LITAF: variants seen among roughly 807,000 people sequenced by gnomAD.
The protein encoded by LITAF is lipopolysaccharide-induced tumor necrosis factor-alpha factor.
In LITAF, 9 loss-of-function variants were observed where a neutral mutation model predicts 14.5. The observed-to-expected ratio is 0.62, with a 90% CI of 0.37 to 1.08. The LOEUF (loss-of-function observed/expected upper bound fraction) is 1.08. Among genes scored for constraint, LITAF ranks in the 50% least tolerant of loss-of-function variants. The probability of loss-of-function intolerance (pLI) is 0.01; values close to 1 mark genes in which losing one functional copy is unlikely to be tolerated. For synonymous variants in LITAF, 98 were observed against 88.2 expected, an observed-to-expected ratio of 1.11 and a Z score of -0.62; for missense variants, 206 against 213.4, an observed-to-expected ratio of 0.97 and a Z score of 0.22.
At chr16:11,629,846 A>T (rs553313141) in intron 3 of LITAF, among the ~76,000 whole-genome samples, 1 of 152,108 alleles carries the variant, frequency 6.6e-6, no homozygotes, top group Non-Finnish European at 1.5e-5. Flanking sequence ...TAACAAGGCC[A>T]TGTGGTAGGC....
intron 1 of LITAF, among the ~76,000 whole-genome samples, chr16:11,585,652 C>T (rs2064794820): frequency 6.6e-6 from 1 of 152,230 alleles, no homozygotes; most frequent in South Asian, 2.1e-4. Flanking sequence ...TCTGAGAAGG[C>T]AGGGGGTGAG....
chr16:11,602,627 A>G (rs533192210), upstream of LITAF, among the ~76,000 whole-genome samples: 43 of 152,234 alleles, frequency 2.8e-4, no homozygotes, highest in African/African-American at 9.1e-4. Context: ...AATTGAATGG[A>G]ATGGAATAGA....
In LITAF at chr16:11,610,624, C is replaced by T. The variant is rs1174378383; in HGVS notation, c.85+22909G>A. 3.9e-5 allele frequency among the ~76,000 whole-genome samples: 6 copies of T among 152,226 alleles called. No homozygotes were observed. In the East Asian group the frequency reaches 1.2e-3, roughly 29 times the overall value. Reference sequence around the variant, plus strand: ...AAGGGAACAATGGGATGGAGCCCAACTTGAGCAGTAAATAAGAGGAAAAAA... The same window carrying T: ...AAGGGAACAATGGGATGGAGCCCAATTTGAGCAGTAAATAAGAGGAAAAAA... On this transcript the variant is annotated intron_variant, in intron 3 of 3. Transcript: ENST00000574848.
At chr16:11,617,951 G>A (rs939338291) in intron 3 of LITAF, among the ~76,000 whole-genome samples, 2 of 151,566 alleles carry the variant, frequency 1.3e-5, no homozygotes, top group African/African-American at 4.8e-5. Context: ...GCTCACTGCA[G>A]CCTCAACCCC....
chr16:11,627,515 T>C (rs1394346691), intron 3 of LITAF, among the ~76,000 whole-genome samples: 1 of 152,248 alleles, frequency 6.6e-6, no homozygotes. Context: ...TTTTGCAGCA[T>C]TCTGCTATTC....
chr16:11,628,067 G>A (rs1440738585), intron 3 of LITAF, among the ~76,000 whole-genome samples: 1 of 145,350 alleles, frequency 6.9e-6, no homozygotes, highest in African/African-American at 2.5e-5. Flanking sequence ...CCCAAGACAA[G>A]CACAGTCCTG....
chr16:11,615,899 T>G (rs955306789), intron 3 of LITAF, among the ~76,000 whole-genome samples: 4 of 151,926 alleles, frequency 2.6e-5, no homozygotes, highest in Non-Finnish European at 5.9e-5. Flanking sequence ...GCTTAGAGGG[T>G]TAGAAGGTTC....
At chr16:11,635,581 A>G (rs1361004554) in intron 2 of LITAF, among the ~76,000 whole-genome samples, 3 of 152,170 alleles carry the variant, frequency 2.0e-5, no homozygotes, top group South Asian at 2.1e-4. Flanking sequence ...AGATATCCCC[A>G]AAGTGCCCAC....
At chr16:11,614,890 G>C (rs1334530380) in intron 3 of LITAF, among the ~76,000 whole-genome samples, 4 of 152,240 alleles carry the variant, frequency 2.6e-5, no homozygotes, top group Non-Finnish European at 5.9e-5. Context: ...ACGGCAGGCA[G>C]TTCTAACGGC....
At chr16:11,567,649 C>T (rs1330478560) in intron 1 of LITAF, among the ~76,000 whole-genome samples, 1 of 152,094 alleles carries the variant, frequency 6.6e-6, no homozygotes, top group African/African-American at 2.4e-5. Context: ...TTTGGGCCAG[C>T]ATCCATTCCA....
intron 3 of LITAF, among the ~76,000 whole-genome samples, chr16:11,629,419 G>T (rs1165936114): frequency 1.3e-5 from 2 of 152,226 alleles, no homozygotes; most frequent in Non-Finnish European, 2.9e-5. Flanking sequence ...GGTCCCAGCT[G>T]GAGGCCTGAT....
Position 11,549,818 on chromosome 16 carries a change from T to A in LITAF, c.378-73A>T, listed in dbSNP as rs778509073. ...GTGAACACTGGCTGCCAAAACCATG[T>A]TCATGTCCTTCTTTGTAAAAAGGGT... On this transcript the variant is annotated intron_variant, in intron 3 of 3. Coordinates refer to ENST00000622633, the MANE Select transcript of LITAF (RefSeq NM_001136472.2). The surrounding 1 kb of genome is among the most constrained non-coding windows in gnomAD (Gnocchi z 4.6). 1 of 1,142,056 alleles carries A rather than the reference T, an allele frequency of 8.8e-7. No homozygotes were observed. The highest frequency in any genetic ancestry group is 1.3e-6 in the Non-Finnish European group (1 of 770,952). 70.7% of individuals were successfully genotyped at this position (1,142,056 alleles called of 1,614,324 possible). A position where few individuals can be genotyped will look rare whatever the true frequency, so the allele number is the denominator to read the frequency against.
intron 3 of LITAF, among the ~76,000 whole-genome samples, chr16:11,550,646 G>T (rs1313122377): frequency 6.6e-6 from 1 of 152,102 alleles, no homozygotes; most frequent in Non-Finnish European, 1.5e-5. Context: ...AGATCTTTTA[G>T]TCTTTTTGTT....
intron 3 of LITAF, among the ~76,000 whole-genome samples, chr16:11,625,806 G>A (rs553839133): frequency 6.6e-6 from 1 of 152,264 alleles, no homozygotes; most frequent in South Asian, 2.1e-4. Context: ...CCAGAACTTG[G>A]AGTCAGCCAG....
At chr16:11,599,300 T>C (rs997631488), upstream of LITAF, among the ~76,000 whole-genome samples, 1 of 152,072 alleles carries the variant, frequency 6.6e-6, no homozygotes, top group Non-Finnish European at 1.5e-5. Context: ...GTATTTTTAG[T>C]AGAGACGGGG....
chr16:11,620,631 G>A (rs2065044619), intron 3 of LITAF, among the ~76,000 whole-genome samples: 1 of 152,218 alleles, frequency 6.6e-6, no homozygotes, highest in Admixed American at 6.5e-5. Flanking sequence ...ACTGTGGCCA[G>A]CCCACTTTCC....
intron 3 of LITAF, among the ~76,000 whole-genome samples, chr16:11,623,697 TG>T (rs1567266803): frequency 1.4e-5 from 2 of 148,146 alleles, no homozygotes; most frequent in Non-Finnish European, 3.0e-5. Flanking sequence ...CCAAGTATGG[TG>T]GCTCACCCCT....
chr16:11,591,936 T>C (rs1259733104), upstream of LITAF, among the ~76,000 whole-genome samples: 1 of 152,152 alleles, frequency 6.6e-6, no homozygotes, highest in African/African-American at 2.4e-5. Context: ...TATCCACATG[T>C]AGAAGAATGA....
chr16:11,602,760 C>CAAAAA (rs35880448), upstream of LITAF, among the ~76,000 whole-genome samples: 3 of 114,224 alleles, frequency 2.6e-5, no homozygotes, highest in Non-Finnish European at 5.3e-5. Context: ...TGGCTTGTTG[C>CAAAAA]AAAAAAAAAA....
Sources: gnomAD v4.1 joint callset for allele counts (sites outside exome capture counted in the v4.1 genomes callset) on GRCh38, gnomAD v4.1.1 for gene constraint, Gnocchi (gnomAD v3.1) non-coding constraint, MANE v1.5 for transcripts, NCBI Gene and HGNC (gene_info 2026-07-23, HGNC 2026-07-21) for gene names.